PKNOX2: variants seen among roughly 807,000 people sequenced by gnomAD.
The protein encoded by PKNOX2 is PBX/knotted 1 homeobox 2.
Under a neutral mutation model 53.1 loss-of-function variants are expected in PKNOX2, and 14 were observed. The observed-to-expected ratio is 0.26, with a 90% CI of 0.17 to 0.41. The LOEUF (loss-of-function observed/expected upper bound fraction) is 0.41, where lower values mean the gene tolerates loss of function less well. Among genes scored for constraint, PKNOX2 ranks in the 10% least tolerant of loss-of-function variants. The pLI is 1.00. For synonymous variants in PKNOX2, 257 were observed against 242.8 expected (o/e 1.06, Z -0.54); for missense variants, 496 against 602.8 (o/e 0.82, Z 1.85).
chr11:125,391,855 A>G (rs7941528), intron 6 of PKNOX2, among the ~76,000 whole-genome samples: 8,390 of 152,280 alleles, frequency 0.055, 319 homozygotes, highest in African/African-American at 0.099. Context: ...TGCATTCACC[A>G]CATTTGGCGG....
chr11:125,187,288 G>C (rs1052778538), intron 1 of PKNOX2, among the ~76,000 whole-genome samples: 6 of 151,944 alleles, frequency 3.9e-5, no homozygotes, highest in African/African-American at 1.5e-4. Flanking sequence ...TGAATCTGCA[G>C]ATTGTTTGTT....
Position 125,394,959 on chromosome 11 carries a change from C to T in PKNOX2, c.400-2915C>T, listed in dbSNP as rs370971809. On this transcript the variant is annotated intron_variant, in intron 6 of 12. Transcript: ENST00000298282. ...AGATTTCACCAGTTTTACGTGCCCT[C>T]GTGTGTGTGTGTGTGTGTGTGTGTA... Among the ~76,000 whole-genome samples, 132 of 149,602 alleles carry T rather than the reference C, an allele frequency of 8.8e-4. 1 individual carries two copies. The highest frequency in any genetic ancestry group is 1.9e-3 in the Admixed American group (29 of 15,008).
intron 4 of PKNOX2, among the ~76,000 whole-genome samples, chr11:125,363,837 C>T (rs1952047014): frequency 4.0e-5 from 6 of 151,200 alleles, no homozygotes; most frequent in Admixed American, 3.9e-4. Context: ...TATTTAACAA[C>T]TTGCTCTCTG....
intron 2 of PKNOX2, among the ~76,000 whole-genome samples, chr11:125,276,766 T>G (rs192154111): frequency 2.4e-4 from 36 of 152,346 alleles, no homozygotes; most frequent in African/African-American, 7.9e-4. Context: ...GGTAGTTTTT[T>G]CTGACAGTGT....
At chr11:125,169,071 C>G (rs895688429) in intron 1 of PKNOX2, among the ~76,000 whole-genome samples, 10 of 152,194 alleles carry the variant, frequency 6.6e-5, no homozygotes, top group Admixed American at 5.9e-4. Context: ...GGCACAAGGA[C>G]TGCGATGCTG....
intron 2 of PKNOX2, among the ~76,000 whole-genome samples, chr11:125,243,055 G>A (rs545410159): frequency 9.2e-5 from 14 of 152,288 alleles, no homozygotes; most frequent in South Asian, 4.1e-4. Context: ...AGGGTTGTTG[G>A]TGGAGGATTA....
At chr11:125,339,772 G>A (rs181997212) in intron 3 of PKNOX2, among the ~76,000 whole-genome samples, 53 of 152,338 alleles carry the variant, frequency 3.5e-4, no homozygotes, top group Admixed American at 1.3e-3. Flanking sequence ...TGCCCCATGC[G>A]TTCCCGGAGC....
chr11:125,320,129 C>T (rs1228553594), intron 2 of PKNOX2, among the ~76,000 whole-genome samples: 1 of 152,180 alleles, frequency 6.6e-6, no homozygotes, highest in Non-Finnish European at 1.5e-5. Context: ...TCCTGTTTCT[C>T]ATTTTAGTGA....
At chr11:125,407,261 G>A (rs1955164205) in intron 7 of PKNOX2, among the ~76,000 whole-genome samples, 1 of 152,222 alleles carries the variant, frequency 6.6e-6, no homozygotes, top group African/African-American at 2.4e-5. Context: ...TTGGCATGGA[G>A]GGTATCCAAG....
At chr11:125,207,239 T>C (rs1368484236) in intron 1 of PKNOX2, among the ~76,000 whole-genome samples, 1 of 152,060 alleles carries the variant, frequency 6.6e-6, no homozygotes, top group African/African-American at 2.4e-5. Context: ...TCCCTTCCTT[T>C]CCTCCCTTCT....
chr11:125,183,373 C>T (rs1332848169), intron 1 of PKNOX2, among the ~76,000 whole-genome samples: 1 of 118,518 alleles, frequency 8.4e-6, no homozygotes, highest in Non-Finnish European at 1.9e-5. Flanking sequence ...CCCGCCACCG[C>T]GCCCGGCTAA....
chr11:125,341,913 C>A (rs1210237452), intron 3 of PKNOX2, among the ~76,000 whole-genome samples: 1 of 152,158 alleles, frequency 6.6e-6, no homozygotes, highest in Non-Finnish European at 1.5e-5. Flanking sequence ...AGCCAGTGTA[C>A]CCGCCCTCCT....
At chr11:125,228,034 T>C (rs891904655) in intron 1 of PKNOX2, among the ~76,000 whole-genome samples, 4 of 147,526 alleles carry the variant, frequency 2.7e-5, no homozygotes, top group African/African-American at 9.7e-5. Context: ...CTCAGCCGTG[T>C]ATCAGTGGCA....
At chr11:125,392,039 G>C (rs999765731) in intron 6 of PKNOX2, among the ~76,000 whole-genome samples, 3 of 152,092 alleles carry the variant, frequency 2.0e-5, no homozygotes, top group African/African-American at 7.2e-5. Context: ...AAATATGGGA[G>C]CAAAAAAGAC....
At chr11:125,365,359 T>C (rs911033159) in intron 4 of PKNOX2, among the ~76,000 whole-genome samples, 1 of 151,940 alleles carries the variant, frequency 6.6e-6, no homozygotes, top group East Asian at 1.9e-4. Flanking sequence ...TTAGTTTAGG[T>C]TGGATTTTTT....
At chr11:125,417,197 T>C (rs1387730330) in intron 10 of PKNOX2, among the ~76,000 whole-genome samples, 1 of 152,018 alleles carries the variant, frequency 6.6e-6, no homozygotes, top group African/African-American at 2.4e-5. Flanking sequence ...CATCCCCAGC[T>C]TCTACTCCAC....
chr11:125,313,823 A>G (rs1348746471), intron 2 of PKNOX2, among the ~76,000 whole-genome samples: 1 of 152,234 alleles, frequency 6.6e-6, no homozygotes, highest in Non-Finnish European at 1.5e-5. Flanking sequence ...CAGTAGCCAC[A>G]TGGTGTCCAT....
chr11:125,309,134 T>C (rs112247938), intron 2 of PKNOX2, among the ~76,000 whole-genome samples: 53 of 106,752 alleles, frequency 5.0e-4, no homozygotes, highest in African/African-American at 1.7e-3. Flanking sequence ...CCTCTTCCTT[T>C]CTTTCTTTCT....
At chr11:125,332,226 G>A (rs1014019667) in intron 3 of PKNOX2, among the ~76,000 whole-genome samples, 3 of 151,378 alleles carry the variant, frequency 2.0e-5, no homozygotes, top group Non-Finnish European at 4.4e-5. Context: ...TCAAGATGAT[G>A]ATCACATTTG....
Sources: gnomAD v4.1 joint callset for allele counts (sites outside exome capture counted in the v4.1 genomes callset) on GRCh38, gnomAD v4.1.1 for gene constraint, MANE v1.5 for transcripts, NCBI Gene and HGNC (gene_info 2026-07-23, HGNC 2026-07-21) for gene names.